TLE1: variants seen among roughly 807,000 people sequenced by gnomAD.
TLE1 encodes the protein TLE family member 1, transcriptional corepressor.
Under a neutral mutation model 89.8 loss-of-function variants are expected in TLE1, and 21 were observed. That is an observed-to-expected ratio of 0.23 (90% CI 0.17 to 0.34). The LOEUF (loss-of-function observed/expected upper bound fraction) is 0.34, where lower values mean the gene tolerates loss of function less well. TLE1 is among the 10% of genes least tolerant of loss of function. The pLI is 1.00. For synonymous variants in TLE1, 447 were observed against 407.6 expected, an observed-to-expected ratio of 1.10 and a Z score of -1.16; for missense variants, 795 against 1,031.2, an observed-to-expected ratio of 0.77 and a Z score of 3.14.
At position 81,621,985 on chromosome 9, in the gene TLE1, T is replaced by C. The variant is rs1258275986; in HGVS notation, c.595-1428A>G. 2.0e-5 allele frequency among the ~76,000 whole-genome samples: 3 copies of C among 152,176 alleles called. No homozygotes were observed. In the East Asian group the frequency reaches 5.8e-4, roughly 29 times the overall value. ...ATAGAGAAGCTCTAAGTAATGTCTT[T>C]ACCACAGTGTTTGGGGATGAAAGGT... On this transcript the variant is annotated intron_variant, in intron 8 of 19. Transcript: ENST00000376499.
chr9:81,646,007 A>C (rs956469028), intron 6 of TLE1, among the ~76,000 whole-genome samples: 2 of 152,200 alleles, frequency 1.3e-5, no homozygotes, highest in Non-Finnish European at 2.9e-5. Flanking sequence ...ATTCCAGGGA[A>C]TCAAGTAAAA....
At position 81,660,805 on chromosome 9, in the gene TLE1, T is replaced by A. The variant is rs1290759778; in HGVS notation, c.235-6769A>T. ...TCTAGTGTATTCTGCGACTTTTAAA[T>A]TCAAGATATGGCCGGGCGTGGTGGC... On this transcript the variant is annotated intron_variant, in intron 4 of 19. Transcript: ENST00000376499. Among the ~76,000 whole-genome samples, 7 of 151,224 alleles carry A rather than the reference T, an allele frequency of 4.6e-5. No homozygotes were observed. In the East Asian group the frequency reaches 1.4e-3, roughly 30 times the overall value.
At chr9:81,585,732 G>A in intron 17 of TLE1, 77 bp from the exon 18 acceptor site, 1 of 1,543,118 alleles carries the variant, frequency 6.5e-7, no homozygotes, top group African/African-American at 1.4e-5. Context: ...TGAAAAGTGG[G>A]GAAATAGCAA....
At chr9:81,637,861 TAGGTA>T (rs1827603684) in intron 6 of TLE1, among the ~76,000 whole-genome samples, 1 of 150,332 alleles carries the variant, frequency 6.7e-6, no homozygotes. Flanking sequence ...TCAGGGAGGG[TAGGTA>T]TCATGATACC....
At position 81,611,839 on chromosome 9, in the gene TLE1, T is replaced by C; in HGVS notation, c.1184A>G (p.His395Arg). Residue 395 changes from histidine (H) to arginine (R), a missense_variant, in exon 13 of 20, where the codon CAC becomes CGC. Transcript: ENST00000376499. The part of the protein sequence containing the change: ...TSPGAAYASL[H>R]NMSPQMSAAA... ...GGCGCTCATCTGGGGCGACATGTTG[T>C]GTAAACTGGCGTAGGCAGCGCCTGG... 2 of 1,561,606 alleles carry C rather than the reference T, an allele frequency of 1.3e-6. No individual in the cohort carries two copies. The highest frequency in any genetic ancestry group is 1.7e-6 in the Non-Finnish European group (2 of 1,158,450).
chr9:81,675,361 T>A (rs1364251921), intron 4 of TLE1, among the ~76,000 whole-genome samples: 1 of 152,166 alleles, frequency 6.6e-6, no homozygotes, highest in Non-Finnish European at 1.5e-5. Flanking sequence ...TCATTATTAC[T>A]AAGAAATCTG....
At chr9:81,646,044 G>A (rs1588107485) in intron 6 of TLE1, among the ~76,000 whole-genome samples, 1 of 152,246 alleles carries the variant, frequency 6.6e-6, no homozygotes, top group East Asian at 1.9e-4. Context: ...TGGGTGGGTT[G>A]ATAGGTGCAG....
At chr9:81,653,415 A>C (rs1035816443) in intron 5 of TLE1, among the ~76,000 whole-genome samples, 8 of 152,252 alleles carry the variant, frequency 5.3e-5, no homozygotes, top group African/African-American at 1.9e-4. Context: ...ACTCATATAA[A>C]GAGATTCCTC....
At position 81,672,626 on chromosome 9, in the gene TLE1, T is replaced by G. The variant is rs143610197; in HGVS notation, c.234+13050A>C. Among the ~76,000 whole-genome samples the G allele has an allele frequency of 6.6e-5, 10 of 152,196 alleles. No homozygotes were observed. In the East Asian group the frequency reaches 1.9e-3, roughly 29 times the overall value. On this transcript the variant is annotated intron_variant, in intron 4 of 19. Transcript: ENST00000376499. ...GTACTTTACAGAGCAAAAAGAAAAC[T>G]ACATGCACACACTCCCCACAGGTGT...
chr9:81,687,515 G>T, intron 1 of TLE1, 81 bp from the exon 2 acceptor site: 2 of 1,047,958 alleles, frequency 1.9e-6, no homozygotes, highest in Non-Finnish European at 2.9e-6. Flanking sequence ...AGGCAAGAAC[G>T]GGTGGGACAT....
At chr9:81,682,194 C>T (rs1434004439) in intron 4 of TLE1, among the ~76,000 whole-genome samples, 1 of 150,648 alleles carries the variant, frequency 6.6e-6, no homozygotes, top group African/African-American at 2.4e-5. Context: ...GCAAAGGCTG[C>T]AGTAAGCAGA....
Position 81,652,931 on chromosome 9 carries a change from G to A in TLE1, c.298-643C>T, listed in dbSNP as rs114400198. On this transcript the variant is annotated intron_variant, in intron 5 of 19. Coordinates refer to ENST00000376499, the MANE Select transcript of TLE1 (RefSeq NM_005077.5). ...TCCTCTCATTCTTTTATAGCCTTTT[G>A]ATTCTTTACCCTCCACAAGGCAAAG... is the stretch of plus-strand genomic sequence containing the variant. Among the ~76,000 whole-genome samples the A allele has an allele frequency of 7.7e-3, 1,170 of 152,026 alleles. 17 individuals are homozygous for A. The highest frequency in any genetic ancestry group is 0.026 in the African/African-American group (1,094 of 41,462).
At position 81,590,955 on chromosome 9, in the gene TLE1, G is replaced by T. The variant is rs759110088; in HGVS notation, c.1679C>A (p.Ala560Glu). ...CGCCTTGATGCGCGGGGTTGGAGCC[G>T]CCAGGTCCCAAATGGACAAAGTACT... ...EASTLSIWDL[A>E]APTPRIKAEL... The change falls in exon 16 of 20, where the codon GCG becomes GAG. Residue 560 changes from alanine to glutamate, a missense_variant. Ala to Glu is a moderately radical substitution (Grantham distance 107, BLOSUM62 -1). Coordinates refer to ENST00000376499, the MANE Select transcript of TLE1 (RefSeq NM_005077.5). 3 of 1,614,250 alleles carry T rather than the reference G, an allele frequency of 1.9e-6. No homozygotes were observed. Among genetic ancestry groups the T allele is most frequent in the South Asian group, 1.1e-5 (1 of 91,086 alleles).
Position 81,616,126 on chromosome 9 carries a change from A to G in TLE1, c.774T>C (p.Ser258=). Residue 258 remains serine (S), a synonymous_variant, in exon 11 of 20, where the codon TCT becomes TCC. Transcript: ENST00000376499. ...AGTGGGCAGGGCTTGCTCGCGGAGA[A>G]GAAGGGTCCTCAACAAGCATAATCA... The part of the protein sequence containing the change: ...LVVDVSNEDP[S]SPRASPAHSP... The G allele has an allele frequency of 6.2e-7, 1 of 1,610,414 alleles. No individual in the cohort carries two copies. Among genetic ancestry groups the G allele is most frequent in the Non-Finnish European group, 8.5e-7 (1 of 1,179,130 alleles).
At chr9:81,672,555 C>T (rs566794121) in intron 4 of TLE1, among the ~76,000 whole-genome samples, 2 of 151,226 alleles carry the variant, frequency 1.3e-5, no homozygotes, top group Admixed American at 1.3e-4. Flanking sequence ...ATGGAGTAGA[C>T]GAAGAAAGAC....
In TLE1 at chr9:81,687,195, T is replaced by C. The variant is rs547781403; in HGVS notation, c.125+139A>G. 3 of 633,632 alleles carry C rather than the reference T, an allele frequency of 4.7e-6. No individual in the cohort carries two copies. In the African/African-American group the frequency reaches 5.5e-5, roughly 12 times the overall value. The allele number at this position is 633,632 out of a possible 1,614,324, so 39.3% of individuals were successfully genotyped here. The stretch of plus-strand genomic sequence containing the variant: ...GGAAGAACCAGGAAAGGGGGTAACT[T>C]GAATGACAGGTCTTAACTGAGACTC... On this transcript the variant is annotated intron_variant, in intron 2 of 19. Coordinates refer to ENST00000376499, the MANE Select transcript of TLE1 (RefSeq NM_005077.5).
chr9:81,630,898 G>A (rs950235301), intron 8 of TLE1, among the ~76,000 whole-genome samples: 1 of 152,186 alleles, frequency 6.6e-6, no homozygotes, highest in Admixed American at 6.5e-5. Context: ...TGTGGACAGT[G>A]AACAGTTTAA....
intron 9 of TLE1, among the ~76,000 whole-genome samples, chr9:81,618,045 A>AAC (rs1554675578): frequency 2.1e-5 from 3 of 143,476 alleles, no homozygotes; most frequent in South Asian, 4.3e-4. Flanking sequence ...ACAACAACAA[A>AAC]AAATTCAATG....
chr9:81,612,061 G>T (rs1823785920), intron 12 of TLE1, 102 bp from the exon 13 acceptor site: 3 of 956,892 alleles, frequency 3.1e-6, no homozygotes, highest in Non-Finnish European at 4.3e-6. Context: ...CATGGGGAGA[G>T]AGAAAGAGGT....
Sources: allele counts gnomAD v4.1 joint callset (sites outside exome capture counted in the v4.1 genomes callset), GRCh38; gene constraint gnomAD v4.1.1; transcripts MANE v1.5; gene names NCBI Gene and HGNC (gene_info 2026-07-23, HGNC 2026-07-21).